The following LRFN5 variants were observed in gnomAD, a reference collection of about 807,000 sequenced individuals.
The protein encoded by LRFN5 is leucine rich repeat and fibronectin type III domain containing 5, also known as leucine-rich repeat and fibronectin type-III domain-containing protein 5.
LRFN5 carries 24 observed loss-of-function variants against 45.6 expected under a neutral mutation model. The observed-to-expected ratio is 0.53, with a 90% CI of 0.38 to 0.74. The LOEUF is 0.74. LRFN5 is among the 30% of genes least tolerant of loss of function. LRFN5 has a pLI of 0.00. For missense variants in LRFN5, 776 were observed against 861.5 expected (o/e 0.90, Z 1.24); for synonymous variants, 340 against 313.8 (o/e 1.08, Z -0.88).
chr14:41,651,225 G>C (rs1880110559), intron 1 of LRFN5, among the ~76,000 whole-genome samples: 1 of 152,036 alleles, frequency 6.6e-6, no homozygotes, highest in Non-Finnish European at 1.5e-5. Flanking sequence ...GAAACAATTT[G>C]AGCTTCCTTT....
chr14:41,874,361 C>A (rs1398426570), intron 2 of LRFN5, among the ~76,000 whole-genome samples: 1 of 152,124 alleles, frequency 6.6e-6, no homozygotes, highest in Non-Finnish European at 1.5e-5. Context: ...AACTCAAGAT[C>A]TTTTTACTCT....
rs1270074821 is a variant in LRFN5 at position 41,891,628 on chromosome 14, C to T, written c.1764C>T (p.Ser588=). ...GCTGTAGTGTAACGCTGCCCCAGTC[C>T]GTGTCCAAACAAGCTGTGGGACACG... is the stretch of plus-strand genomic sequence containing the variant. ...IQGCSVTLPQ[S]VSKQAVGHEE... Residue 588 remains serine, a synonymous_variant, in exon 4 of 6, where the codon TCC becomes TCT. Transcript: ENST00000298119. 4 of 1,614,064 alleles carry T rather than the reference C, an allele frequency of 2.5e-6. No homozygotes were observed. The highest frequency in any genetic ancestry group is 1.1e-5 in the South Asian group (1 of 91,088).
chr14:41,660,150 T>G (rs1168444991), intron 1 of LRFN5, among the ~76,000 whole-genome samples: 6 of 152,022 alleles, frequency 3.9e-5, no homozygotes, highest in African/African-American at 1.4e-4. Context: ...CCCAGCCTCC[T>G]GAGTAGCTGA....
At chr14:41,623,805 C>G (rs916434452) in intron 1 of LRFN5, among the ~76,000 whole-genome samples, 1 of 152,054 alleles carries the variant, frequency 6.6e-6, no homozygotes, top group Non-Finnish European at 1.5e-5. Flanking sequence ...TTTCAGCTCA[C>G]TTCAATATTG....
At chr14:41,898,185 C>G (rs543779240) in intron 4 of LRFN5, among the ~76,000 whole-genome samples, 2 of 152,074 alleles carry the variant, frequency 1.3e-5, no homozygotes, top group African/African-American at 4.8e-5. Context: ...AAGGACTTAT[C>G]CTTTACTCCT....
intron 2 of LRFN5, among the ~76,000 whole-genome samples, chr14:41,803,392 C>A (rs1887406707): frequency 6.6e-6 from 1 of 151,838 alleles, no homozygotes; most frequent in Non-Finnish European, 1.5e-5. Flanking sequence ...CACTCTGTCA[C>A]CCAGGTTAGA....
intron 1 of LRFN5, chr14:41,731,354 G>A (rs1884169858): frequency 6.6e-6 from 1 of 151,802 alleles, no homozygotes; most frequent in South Asian, 2.1e-4. Context: ...ATTTTCAAAG[G>A]TAAGTCCCAT....
chr14:41,830,030 A>T (rs1431285556), intron 2 of LRFN5, among the ~76,000 whole-genome samples: 1 of 151,308 alleles, frequency 6.6e-6, no homozygotes, highest in Non-Finnish European at 1.5e-5. Flanking sequence ...ATCTTAATAC[A>T]TAATTAACTT....
chr14:41,616,762 G>A (rs755270273), intron 1 of LRFN5, among the ~76,000 whole-genome samples: 1 of 151,906 alleles, frequency 6.6e-6, no homozygotes, highest in Non-Finnish European at 1.5e-5. Flanking sequence ...TGCATTTGAT[G>A]TGAATTCAAA....
In LRFN5 at chr14:41,607,765, G is replaced by C. The variant is rs1201359285; in HGVS notation, c.-994G>C. ...GCTTGGAAAGCGCCAATATTAACCT[G>C]CTTCCAGGTACATCACAAGGTCAAG... is the stretch of plus-strand genomic sequence containing the variant. On this transcript the variant is annotated 5_prime_UTR_variant, in exon 1 of 6. Transcript: ENST00000298119. 2 of 152,144 alleles carry C rather than the reference G, an allele frequency of 1.3e-5. No homozygotes were observed. Among genetic ancestry groups the C allele is most frequent in the African/African-American group, 4.8e-5 (2 of 41,418 alleles). The allele number at this position is 152,144 out of a possible 1,614,324, so 9.4% of individuals were successfully genotyped here. A position where few individuals can be genotyped will look rare whatever the true frequency, so the allele number is the denominator to read the frequency against.
chr14:41,821,838 A>T (rs2139014492), intron 2 of LRFN5, among the ~76,000 whole-genome samples: 1 of 149,594 alleles, frequency 6.7e-6, no homozygotes. Flanking sequence ...CCATCTTACT[A>T]CTCATTATTT....
intron 1 of LRFN5, among the ~76,000 whole-genome samples, chr14:41,664,492 A>G (rs930643455): frequency 1.3e-4 from 20 of 151,898 alleles, no homozygotes; most frequent in African/African-American, 4.8e-4. Context: ...TTAGCATGAA[A>G]TCATTTTAAA....
rs1186955210 is a variant in LRFN5 at position 41,799,320 on chromosome 14, C to T, written c.-21+32291C>T. On this transcript the variant is annotated intron_variant, in intron 2 of 5. Transcript: ENST00000298119. ...TAGGAAAATCTTTTCCACTTTTTGC[C>T]TGGGAATTTGAAGGTTGGATTGCTG... 2.0e-5 allele frequency among the ~76,000 whole-genome samples: 3 copies of T among 151,864 alleles called. No homozygotes were observed. In the Admixed American group the frequency reaches 2.0e-4, roughly 10 times the overall value.
chr14:41,868,425 T>G (rs1187657357), intron 2 of LRFN5, among the ~76,000 whole-genome samples: 1 of 152,170 alleles, frequency 6.6e-6, no homozygotes, highest in Non-Finnish European at 1.5e-5. Context: ...TGCACGGTGG[T>G]AGCCAGACTA....
chr14:41,732,787 A>AC (rs1028902440), intron 1 of LRFN5, among the ~76,000 whole-genome samples: 5 of 151,974 alleles, frequency 3.3e-5, no homozygotes, highest in African/African-American at 1.2e-4. Flanking sequence ...ACTAGACAAA[A>AC]AAAAAATCTG....
chr14:41,895,338 A>C (rs936266781), intron 4 of LRFN5, among the ~76,000 whole-genome samples: 2 of 152,214 alleles, frequency 1.3e-5, no homozygotes, highest in Admixed American at 1.3e-4. Context: ...TAAAGTAGAC[A>C]CAGTGGCTGG....
intron 2 of LRFN5, among the ~76,000 whole-genome samples, chr14:41,849,865 A>G (rs1166352739): frequency 2.6e-5 from 4 of 151,944 alleles, no homozygotes; most frequent in Admixed American, 6.6e-5. Context: ...TATACTTGAG[A>G]CTTGAGATTT....
At position 41,661,351 on chromosome 14, in the gene LRFN5, A is replaced by G. The variant is rs577829053; in HGVS notation, c.-197+52789A>G. 1.1e-3 allele frequency among the ~76,000 whole-genome samples: 163 copies of G among 152,176 alleles called. 1 individual carries two copies. The highest frequency in any genetic ancestry group is 1.3e-3 in the Non-Finnish European group (90 of 67,966). On this transcript the variant is annotated intron_variant, in intron 1 of 5. Coordinates refer to ENST00000298119, the MANE Select transcript of LRFN5 (RefSeq NM_152447.5). ...TAAGAAACACCCAGGATGCTTTTCA[A>G]AATGAGTATTCCTGGGTTCAAAATA...
Position 41,674,563 on chromosome 14 carries a change from C to A in LRFN5, c.-197+66001C>A, listed in dbSNP as rs549277017. 4.0e-4 allele frequency among the ~76,000 whole-genome samples: 58 copies of A among 145,214 alleles called. 2 individuals carry two copies. The highest frequency in any genetic ancestry group is 1.3e-3 in the African/African-American group (50 of 39,348). On this transcript the variant is annotated intron_variant, in intron 1 of 5. Coordinates refer to ENST00000298119, the MANE Select transcript of LRFN5 (RefSeq NM_152447.5). ...CTGGCCGGGCAGGGGGCTGACCCCC[C>A]CACCTCTCTCCAGGACGGGGCGGCT...
Sources: allele counts gnomAD v4.1 joint callset (sites outside exome capture counted in the v4.1 genomes callset), GRCh38; gene constraint gnomAD v4.1.1; transcripts MANE v1.5; gene names NCBI Gene and HGNC (gene_info 2026-07-23, HGNC 2026-07-21).